Variants in KLHL25 observed in about 807,000 individuals in gnomAD.
The protein encoded by KLHL25 is kelch-like protein 25.
KLHL25 carries 41 observed loss-of-function variants against 30.0 expected under a neutral mutation model. The observed-to-expected ratio is 1.37, with a 90% CI of 1.07 to 1.78. The LOEUF (loss-of-function observed/expected upper bound fraction) is 1.78. Ranked by LOEUF, KLHL25 falls within the 40% of genes most tolerant of loss-of-function variation. The pLI is 0.00. For synonymous variants in KLHL25, 399 were observed against 355.3 expected (o/e 1.12, Z -1.38); for missense variants, 971 against 824.5 (o/e 1.18, Z -2.18).
At chr15:85,778,272 A>T (rs188855252) in intron 1 of KLHL25, among the ~76,000 whole-genome samples, 82 of 152,252 alleles carry the variant, frequency 5.4e-4, no homozygotes, top group Non-Finnish European at 1.5e-5. Context: ...TTCTATTCAC[A>T]TCTCACTGGC....
At chr15:85,765,111 G>A (rs528151022) in intron 2 of KLHL25, among the ~76,000 whole-genome samples, 2 of 152,320 alleles carry the variant, frequency 1.3e-5, no homozygotes, top group African/African-American at 4.8e-5. Flanking sequence ...GGTCTCAGCT[G>A]CCTGAGGCCA....
intron 1 of KLHL25, among the ~76,000 whole-genome samples, chr15:85,775,591 C>T (rs1318070369): frequency 6.6e-6 from 1 of 152,164 alleles, no homozygotes; most frequent in Non-Finnish European, 1.5e-5. Context: ...AGGAAACAGA[C>T]TCAACGCCAC....
chr15:85,787,932 T>C (rs1374318092), intron 1 of KLHL25, among the ~76,000 whole-genome samples: 1 of 151,414 alleles, frequency 6.6e-6, no homozygotes, highest in Non-Finnish European at 1.5e-5. Context: ...CGTGGTGGCT[T>C]GCGCCTGTAA....
At chr15:85,766,072 C>T (rs2089622760) in intron 2 of KLHL25, among the ~76,000 whole-genome samples, 2 of 152,204 alleles carry the variant, frequency 1.3e-5, no homozygotes, top group Non-Finnish European at 2.9e-5. Context: ...ACTGCCTTCA[C>T]TGGGTAGAGC....
chr15:85,777,752 C>T (rs2089718945), intron 1 of KLHL25, among the ~76,000 whole-genome samples: 1 of 152,162 alleles, frequency 6.6e-6, no homozygotes, highest in African/African-American at 2.4e-5. Flanking sequence ...CTGGGCCCTA[C>T]CCAGTTTGGT....
Position 85,769,455 on chromosome 15 carries a change from G to T in KLHL25, c.356C>A (p.Ser119Ter). The T allele has an allele frequency of 6.2e-7, 1 of 1,614,092 alleles. No homozygotes were observed. Among genetic ancestry groups the T allele is most frequent in the South Asian group, 1.1e-5 (1 of 91,064 alleles). ...RIAINEENAE[S>*]LLEAGDMLQF... is the part of the protein sequence containing the mutation. ...CAGCATGTCGCCTGCCTCCAGCAGT[G>T]ACTCAGCGTTCTCCTCGTTGATGGC... is the stretch of plus-strand genomic sequence containing the variant. Residue 119 changes from serine to a stop codon, truncating the protein, a stop_gained, in exon 2 of 3, where the codon TCA (serine) becomes TAA (stop). Transcript: ENST00000337975. LOFTEE classifies it high-confidence loss of function.
intron 1 of KLHL25, among the ~76,000 whole-genome samples, chr15:85,772,008 CT>C (rs963679070): frequency 6.6e-6 from 1 of 152,192 alleles, no homozygotes; most frequent in African/African-American, 2.4e-5. Flanking sequence ...ATTCCAGACC[CT>C]GCGACATTTC....
intron 1 of KLHL25, among the ~76,000 whole-genome samples, chr15:85,787,820 G>C (rs2089790444): frequency 6.6e-6 from 1 of 152,084 alleles, no homozygotes; most frequent in Non-Finnish European, 1.5e-5. Flanking sequence ...GACTAGAAGG[G>C]TATGCACCCA....
intron 1 of KLHL25, among the ~76,000 whole-genome samples, chr15:85,775,710 G>A (rs1567240828): frequency 6.6e-6 from 1 of 152,024 alleles, no homozygotes; most frequent in South Asian, 2.1e-4. Context: ...TGAACTCCTT[G>A]CTCTCCTGTC....
Position 85,785,416 on chromosome 15 carries a change from G to C in KLHL25, c.-11+9350C>G, listed in dbSNP as rs982927589. On this transcript the variant is annotated intron_variant, in intron 1 of 2. Transcript: ENST00000337975. ...CCAACTGATGTATTCCTATATCCTGGTCCTTAGCAGAGTGGGTAGTATAGA... is the reference window on the plus strand; with the variant it reads ...CCAACTGATGTATTCCTATATCCTGCTCCTTAGCAGAGTGGGTAGTATAGA... 4.6e-5 allele frequency among the ~76,000 whole-genome samples: 7 copies of C among 152,122 alleles called. 1 individual carries two copies. Among genetic ancestry groups the C allele is most frequent in the Admixed American group, 1.3e-4 (2 of 15,246 alleles).
At chr15:85,770,601 GC>G in intron 1 of KLHL25, 1 of 527,372 alleles carries the variant, frequency 1.9e-6, no homozygotes, top group East Asian at 5.5e-5. Flanking sequence ...TGGAGGTGGG[GC>G]CGCCAGTGAC....
chr15:85,790,047 C>T (rs950518463), intron 1 of KLHL25, among the ~76,000 whole-genome samples: 30 of 152,344 alleles, frequency 2.0e-4, no homozygotes, highest in African/African-American at 7.2e-4. Context: ...TCCCACAGCA[C>T]ACATCCAAGG....
At chr15:85,783,030 TTCCCTGGTGCC>T (rs1391668528) in intron 1 of KLHL25, among the ~76,000 whole-genome samples, 1 of 151,940 alleles carries the variant, frequency 6.6e-6, no homozygotes, top group Non-Finnish European at 1.5e-5. Flanking sequence ...CACCTGAGAG[TTCCCTGGTGCC>T]TGCCTGGTAC....
At chr15:85,780,287 C>T (rs1397847000) in intron 1 of KLHL25, among the ~76,000 whole-genome samples, 1 of 152,228 alleles carries the variant, frequency 6.6e-6, no homozygotes, top group South Asian at 2.1e-4. Flanking sequence ...CAGGTTCACC[C>T]ATCTGGTGAA....
chr15:85,763,762 C>G (rs1407283185), intron 2 of KLHL25: 1 of 152,280 alleles, frequency 6.6e-6, no homozygotes, highest in East Asian at 1.9e-4. Context: ...CTAGCGAGAG[C>G]TGGACTTCTC....
At chr15:85,774,224 A>C (rs2089695577) in intron 1 of KLHL25, among the ~76,000 whole-genome samples, 7 of 152,086 alleles carry the variant, frequency 4.6e-5, no homozygotes, top group Admixed American at 4.6e-4. Flanking sequence ...ATATCACAGA[A>C]TTGTTCTCAT....
intron 1 of KLHL25, among the ~76,000 whole-genome samples, chr15:85,776,085 A>G (rs1318687872): frequency 1.3e-5 from 2 of 151,404 alleles, no homozygotes; most frequent in African/African-American, 4.9e-5. Flanking sequence ...TAGCATGAGA[A>G]CTGCTTGAAC....
chr15:85,782,381 C>T lies in KLHL25; in HGVS notation c.-11+12385G>A, dbSNP rs533405249. Among the ~76,000 whole-genome samples the T allele has an allele frequency of 5.9e-5, 9 of 152,022 alleles. No individual in the cohort carries two copies. The South Asian group carries it at 1.7e-3, about 28-fold the overall frequency. On this transcript the variant is annotated intron_variant, in intron 1 of 2. Transcript: ENST00000337975. Reference sequence around the variant, plus strand: ...AACCCTTTCTTCCCACACCTACCAACCCAGTGCCAAATTGTGAGCGCTCCT... The same window carrying T: ...AACCCTTTCTTCCCACACCTACCAATCCAGTGCCAAATTGTGAGCGCTCCT...
At chr15:85,780,281 T>C (rs910695414) in intron 1 of KLHL25, among the ~76,000 whole-genome samples, 4 of 152,138 alleles carry the variant, frequency 2.6e-5, no homozygotes, top group Non-Finnish European at 5.9e-5. Flanking sequence ...AGCACTCAGG[T>C]TCACCCATCT....
Sources: allele counts gnomAD v4.1 joint callset (sites outside exome capture counted in the v4.1 genomes callset), GRCh38; gene constraint gnomAD v4.1.1; transcripts MANE v1.5; gene names NCBI Gene and HGNC (gene_info 2026-07-23, HGNC 2026-07-21).